The following PRKG1 variants were observed in gnomAD, a reference collection of about 807,000 sequenced individuals.
PRKG1 encodes the protein protein kinase cGMP-dependent 1.
Under a neutral mutation model 88.1 loss-of-function variants are expected in PRKG1, and 35 were observed. The observed-to-expected ratio is 0.40, with a 90% CI of 0.30 to 0.53. The LOEUF (loss-of-function observed/expected upper bound fraction) is 0.53. Among genes scored for constraint, PRKG1 ranks in the 20% least tolerant of loss-of-function variants. The pLI is 0.59. For missense variants in PRKG1, 540 were observed against 839.8 expected (o/e 0.64, Z 4.41); for synonymous variants, 303 against 292.5 (o/e 1.04, Z -0.37).
At chr10:51,927,307 T>C (rs935730693) in intron 5 of PRKG1, among the ~76,000 whole-genome samples, 11 of 152,158 alleles carry the variant, frequency 7.2e-5, no homozygotes, top group African/African-American at 2.4e-4. Flanking sequence ...TTGACTCTCA[T>C]TCTCTCTTGT....
intron 4 of PRKG1, among the ~76,000 whole-genome samples, chr10:51,823,593 A>G (rs1490675500): frequency 6.7e-6 from 1 of 150,070 alleles, no homozygotes; most frequent in African/African-American, 2.5e-5. Context: ...CACATGTCAG[A>G]GAATTCATCC....
chr10:52,195,727 A>G, intron 9 of PRKG1, among the ~76,000 whole-genome samples: 1 of 152,166 alleles, frequency 6.6e-6, no homozygotes, highest in African/African-American at 2.4e-5. Context: ...CAAATTTTAG[A>G]GTGTCCGAAT....
intron 5 of PRKG1, among the ~76,000 whole-genome samples, chr10:51,915,546 T>C (rs972245921): frequency 2.1e-5 from 3 of 144,674 alleles, no homozygotes; most frequent in Non-Finnish European, 4.4e-5. Context: ...TGTGTGTGTG[T>C]ATGTGTGTGT....
intron 9 of PRKG1, among the ~76,000 whole-genome samples, chr10:52,165,914 C>G (rs1838422200): frequency 6.6e-6 from 1 of 152,156 alleles, no homozygotes; most frequent in African/African-American, 2.4e-5. Flanking sequence ...GAGAAATGTT[C>G]CAGTAGAAGT....
At chr10:52,244,810 ATTTAAATATATTTAAATATAC>A (rs1182467353) in intron 9 of PRKG1, among the ~76,000 whole-genome samples, 1 of 135,582 alleles carries the variant, frequency 7.4e-6, no homozygotes, top group African/African-American at 2.6e-5. Flanking sequence ...ATTTAGATAT[ATTTAAATATATTTAAATATAC>A]TTTAATATAT....
At chr10:52,017,489 T>C (rs189122983) in intron 5 of PRKG1, among the ~76,000 whole-genome samples, 2 of 152,216 alleles carry the variant, frequency 1.3e-5, no homozygotes, top group Admixed American at 1.3e-4. Context: ...TTTGGGTAGA[T>C]AGTAGGTACC....
At chr10:51,272,171 A>G (rs540785926) in intron 2 of PRKG1, among the ~76,000 whole-genome samples, 1 of 152,322 alleles carries the variant, frequency 6.6e-6, no homozygotes, top group South Asian at 2.1e-4. Flanking sequence ...ATGACCAGTG[A>G]TGATTAGCTT....
intron 1 of PRKG1, among the ~76,000 whole-genome samples, chr10:51,104,698 TTTTATTTATTTATTTATTTA>T (rs35238475): frequency 0.032 from 4,293 of 136,168 alleles, 77 homozygotes; most frequent in Middle Eastern, 0.067. Flanking sequence ...TTTATTTTTA[TTTTATTTATTTATTTATTTA>T]TTTATTTATT....
intron 9 of PRKG1, among the ~76,000 whole-genome samples, chr10:52,190,148 T>C (rs531501461): frequency 1.3e-5 from 2 of 152,308 alleles, no homozygotes; most frequent in South Asian, 4.1e-4. Context: ...AGGAAAATCA[T>C]CAGGAGCCCA....
At chr10:51,583,873 G>A (rs375987271) in intron 3 of PRKG1, among the ~76,000 whole-genome samples, 1 of 152,028 alleles carries the variant, frequency 6.6e-6, no homozygotes, top group African/African-American at 2.4e-5. Flanking sequence ...ATGGCATATA[G>A]TATAACACGG....
chr10:51,449,263 T>C (rs911888332), intron 2 of PRKG1, among the ~76,000 whole-genome samples: 1 of 151,850 alleles, frequency 6.6e-6, no homozygotes, highest in Admixed American at 6.6e-5. Flanking sequence ...TAAATAAAAA[T>C]AGTTCAGTTC....
chr10:51,268,269 C>T (rs1564662592), intron 2 of PRKG1, among the ~76,000 whole-genome samples: 1 of 152,090 alleles, frequency 6.6e-6, no homozygotes, highest in Non-Finnish European at 1.5e-5. Context: ...CACGCATTGT[C>T]ATTGATAACA....
chr10:51,242,926 C>A (rs1024174780), intron 2 of PRKG1, among the ~76,000 whole-genome samples: 2 of 152,124 alleles, frequency 1.3e-5, no homozygotes, highest in Admixed American at 6.6e-5. Flanking sequence ...TTTAATTTCT[C>A]TCTTGGAAAA....
chr10:51,306,211 G>C (rs1488453251), intron 2 of PRKG1, among the ~76,000 whole-genome samples: 1 of 152,188 alleles, frequency 6.6e-6, no homozygotes, highest in Non-Finnish European at 1.5e-5. Flanking sequence ...GGATAGGCTT[G>C]AGAGTATATT....
intron 3 of PRKG1, among the ~76,000 whole-genome samples, chr10:51,719,188 T>G (rs1445432373): frequency 1.3e-5 from 2 of 150,472 alleles, no homozygotes; most frequent in East Asian, 3.9e-4. Context: ...TTCCAAGCAG[T>G]AAATATAGAT....
At chr10:51,027,492 C>G (rs1249796194) in intron 1 of PRKG1, among the ~76,000 whole-genome samples, 1 of 152,082 alleles carries the variant, frequency 6.6e-6, no homozygotes, top group Non-Finnish European at 1.5e-5. Context: ...TGCAGAACTT[C>G]AATGATTTCA....
intron 7 of PRKG1, among the ~76,000 whole-genome samples, chr10:52,121,740 A>T (rs550282283): frequency 6.6e-6 from 1 of 152,140 alleles, no homozygotes; most frequent in Non-Finnish European, 1.5e-5. Context: ...GCCTTTAGTG[A>T]CCATATTTCT....
intron 2 of PRKG1, among the ~76,000 whole-genome samples, chr10:51,276,150 T>G (rs1203271676): frequency 6.6e-6 from 1 of 152,078 alleles, no homozygotes; most frequent in African/African-American, 2.4e-5. Flanking sequence ...GTGTGTGATG[T>G]TCCCCTTCCT....
chr10:51,023,535 T>C (rs1843166337), intron 1 of PRKG1, among the ~76,000 whole-genome samples: 1 of 152,230 alleles, frequency 6.6e-6, no homozygotes, highest in Admixed American at 6.5e-5. Context: ...TCGTGACCTG[T>C]GCACCTATAT....
Sources: gnomAD v4.1 joint callset for allele counts (sites outside exome capture counted in the v4.1 genomes callset) on GRCh38, gnomAD v4.1.1 for gene constraint, MANE v1.5 for transcripts, NCBI Gene and HGNC (gene_info 2026-07-23, HGNC 2026-07-21) for gene names.